The following WDPCP variants were observed in gnomAD, a reference collection of about 807,000 sequenced individuals.
WDPCP encodes the protein WD repeat-containing and planar cell polarity effector protein fritz homolog.
Under a neutral mutation model 93.1 loss-of-function variants are expected in WDPCP, and 71 were observed. The ratio of observed to expected loss-of-function variants is 0.76; its 90% CI spans 0.63 to 0.93. The LOEUF (loss-of-function observed/expected upper bound fraction) is 0.93. Ranked by LOEUF, WDPCP falls within the 40% of genes least tolerant of loss-of-function variation. The pLI, the probability that WDPCP is intolerant of heterozygous loss-of-function variation, is 0.00. For synonymous variants in WDPCP, 315 were observed against 315.0 expected (o/e 1.00, Z 0.00); for missense variants, 844 against 887.4 (o/e 0.95, Z 0.62).
intron 12 of WDPCP, among the ~76,000 whole-genome samples, chr2:63,351,032 A>G (rs1303254015): frequency 1.3e-5 from 2 of 151,810 alleles, no homozygotes; most frequent in East Asian, 3.9e-4. Context: ...CCCAGGCTAG[A>G]GTGCAATGGC....
At chr2:63,139,040 T>C (rs1182593233) in intron 17 of WDPCP, among the ~76,000 whole-genome samples, 1 of 152,236 alleles carries the variant, frequency 6.6e-6, no homozygotes, top group East Asian at 1.9e-4. Context: ...TCACTCCTTT[T>C]TATGGCTGCA....
At chr2:63,643,899 T>C in intron 3 of WDPCP, 1 of 523,500 alleles carries the variant, frequency 1.9e-6, no homozygotes, top group South Asian at 1.4e-5. Context: ...TTAAGTCTGT[T>C]CCTTAGGAAA....
At chr2:63,223,984 T>C (rs746232429) in intron 14 of WDPCP, among the ~76,000 whole-genome samples, 4 of 152,064 alleles carry the variant, frequency 2.6e-5, no homozygotes, top group Non-Finnish European at 4.4e-5. Flanking sequence ...TCCAGCTTTG[T>C]TGTTCTTCAG....
intron 2 of WDPCP, among the ~76,000 whole-genome samples, chr2:63,658,596 AT>A (rs1478814709): frequency 6.6e-6 from 1 of 152,250 alleles, no homozygotes; most frequent in Non-Finnish European, 1.5e-5. Flanking sequence ...TTATCAGAAA[AT>A]CAAAACATTA....
At chr2:63,606,028 G>T in intron 3 of WDPCP, 1 of 1,613,024 alleles carries the variant, frequency 6.2e-7, no homozygotes, top group Non-Finnish European at 8.5e-7. Flanking sequence ...TTGTAATCAA[G>T]GTAAGGTATT....
chr2:63,482,460 G>A (rs1402214471), intron 6 of WDPCP, among the ~76,000 whole-genome samples: 1 of 151,940 alleles, frequency 6.6e-6, no homozygotes, highest in African/African-American at 2.4e-5. Flanking sequence ...GCCTGTTGAG[G>A]TGGTTTACTT....
At chr2:63,710,561 A>G (rs532666764) in intron 2 of WDPCP, among the ~76,000 whole-genome samples, 12 of 152,298 alleles carry the variant, frequency 7.9e-5, no homozygotes, top group East Asian at 1.9e-4. Context: ...TGACTGATGT[A>G]CTAATTAATG....
chr2:63,482,405 G>C (rs1294484613), intron 6 of WDPCP, among the ~76,000 whole-genome samples: 3 of 151,870 alleles, frequency 2.0e-5, no homozygotes, highest in African/African-American at 7.3e-5. Flanking sequence ...GTTATCTCTG[G>C]AACCACCATA....
chr2:63,589,930 C>T (rs1709137653), upstream of WDPCP: 1 of 155,020 alleles, frequency 6.5e-6, no homozygotes, highest in South Asian at 2.0e-4. Flanking sequence ...GTTTTTCCTA[C>T]TTTATCTGCA....
At chr2:63,488,270 A>G (rs1441798212) in intron 2 of WDPCP, among the ~76,000 whole-genome samples, 1 of 152,134 alleles carries the variant, frequency 6.6e-6, no homozygotes, top group African/African-American at 2.4e-5. Flanking sequence ...TAAAGAGTAT[A>G]CAACTGTTTC....
At chr2:63,323,195 T>A (rs1687260085) in intron 12 of WDPCP, among the ~76,000 whole-genome samples, 1 of 152,224 alleles carries the variant, frequency 6.6e-6, no homozygotes, top group Non-Finnish European at 1.5e-5. Flanking sequence ...CTATCTACCC[T>A]GACCATTGCC....
At chr2:63,679,793 A>G (rs1710469990) in intron 2 of WDPCP, among the ~76,000 whole-genome samples, 1 of 152,118 alleles carries the variant, frequency 6.6e-6, no homozygotes, top group Admixed American at 6.5e-5. Flanking sequence ...TGGCCACTGT[A>G]TGGAGCACTT....
At chr2:63,220,624 A>G (rs1677733728) in intron 14 of WDPCP, among the ~76,000 whole-genome samples, 1 of 152,190 alleles carries the variant, frequency 6.6e-6, no homozygotes, top group African/African-American at 2.4e-5. Context: ...GTGCAGACAA[A>G]ATGCAGGTAT....
At chr2:63,323,612 G>T (rs930064445) in intron 12 of WDPCP, among the ~76,000 whole-genome samples, 1 of 152,108 alleles carries the variant, frequency 6.6e-6, no homozygotes, top group African/African-American at 2.4e-5. Flanking sequence ...CATTTGGGGG[G>T]CATAACATCT....
intron 3 of WDPCP, chr2:63,604,952 G>C (rs1227291580): frequency 7.0e-7 from 1 of 1,424,546 alleles, no homozygotes; most frequent in Non-Finnish European, 9.6e-7. Flanking sequence ...ACCTTAAAGA[G>C]GGCAGGTCTT....
chr2:63,528,783 G>C (rs1187671836), intron 1 of WDPCP, among the ~76,000 whole-genome samples: 1 of 152,162 alleles, frequency 6.6e-6, no homozygotes, highest in Non-Finnish European at 1.5e-5. Flanking sequence ...GGATGGCATT[G>C]AATCTATAAA....
chr2:63,135,304 A>G (rs960140151), intron 17 of WDPCP, among the ~76,000 whole-genome samples: 6 of 152,188 alleles, frequency 3.9e-5, no homozygotes, highest in African/African-American at 1.4e-4. Context: ...TGTTTTCACA[A>G]AGGCTAATAT....
intron 14 of WDPCP, among the ~76,000 whole-genome samples, chr2:63,189,842 A>T (rs1402653764): frequency 1.3e-5 from 2 of 152,194 alleles, no homozygotes; most frequent in African/African-American, 2.4e-5. Context: ...ATTTTCCAGA[A>T]TATCACTACA....
At chr2:63,151,814 A>G (rs1382968289) in intron 17 of WDPCP, among the ~76,000 whole-genome samples, 1 of 152,192 alleles carries the variant, frequency 6.6e-6, no homozygotes, top group East Asian at 1.9e-4. Context: ...TGTGTTCACA[A>G]AAGAGCTTCA....
Sources: gnomAD v4.1 joint callset for allele counts (sites outside exome capture counted in the v4.1 genomes callset) on GRCh38, gnomAD v4.1.1 for gene constraint, MANE v1.5 for transcripts, NCBI Gene and HGNC (gene_info 2026-07-23, HGNC 2026-07-21) for gene names.